Variants in BMP7 observed in about 807,000 individuals in gnomAD.
BMP7 encodes osteogenic protein 1.
BMP7 carries 12 observed loss-of-function variants against 41.2 expected under a neutral mutation model. The observed-to-expected ratio is 0.29, with a 90% CI of 0.19 to 0.47. The LOEUF is 0.47. Ranked by LOEUF, BMP7 falls within the 20% of genes least tolerant of loss-of-function variation. The pLI is 0.99. For synonymous variants in BMP7, 248 were observed against 250.0 expected, an observed-to-expected ratio of 0.99 and a Z score of 0.07; for missense variants, 467 against 606.0, an observed-to-expected ratio of 0.77 and a Z score of 2.41.
chr20:57,256,342 A>C (rs953984301), intron 1 of BMP7, among the ~76,000 whole-genome samples: 1 of 152,204 alleles, frequency 6.6e-6, no homozygotes, highest in African/African-American at 2.4e-5. Flanking sequence ...CTTACTTCCC[A>C]CATTTCTGTC....
intron 2 of BMP7, among the ~76,000 whole-genome samples, chr20:57,204,557 C>T (rs965247480): frequency 3.3e-5 from 5 of 152,360 alleles, no homozygotes; most frequent in African/African-American, 4.8e-5. Context: ...GAGGGCACAG[C>T]GCAATTTTCT....
At chr20:57,172,920 A>G (rs548545237) in intron 6 of BMP7, 2 of 602,052 alleles carry the variant, frequency 3.3e-6, no homozygotes, top group East Asian at 2.7e-5. Context: ...CACCCACAAT[A>G]CTACAAGCAT....
Position 57,231,990 on chromosome 20 carries a change from G to A in BMP7, c.419-3569C>T, listed in dbSNP as rs189942781. 1.4e-3 allele frequency among the ~76,000 whole-genome samples: 214 copies of A among 152,366 alleles called. 3 individuals are homozygous for A. In the East Asian group the frequency reaches 0.036, roughly 26 times the overall value. ...GCCATCATCTGATGGAACCCCATGA[G>A]ACAGGACTGATCCCCATTTTACAGA... On this transcript the variant is annotated intron_variant, in intron 1 of 6. Transcript: ENST00000395863.
intron 2 of BMP7, among the ~76,000 whole-genome samples, chr20:57,206,371 A>G (rs916475301): frequency 2.0e-5 from 3 of 152,166 alleles, no homozygotes; most frequent in Non-Finnish European, 4.4e-5. Context: ...TGTTTTACAG[A>G]TGAGAAAAGT....
intron 2 of BMP7, among the ~76,000 whole-genome samples, chr20:57,212,577 C>T (rs562573273): frequency 7.9e-5 from 12 of 152,318 alleles, no homozygotes; most frequent in African/African-American, 2.4e-4. Context: ...GTTGCTGGGC[C>T]GCAAGGATAT....
rs2066152384 is a variant in BMP7 at position 57,261,102 on chromosome 20, GTC to G, written c.418+4601_418+4602del. 6.6e-6 allele frequency among the ~76,000 whole-genome samples: 1 copy of G among 152,190 alleles called. No homozygotes were observed. The highest frequency in any genetic ancestry group is 2.4e-5 in the African/African-American group (1 of 41,432). On this transcript the variant is annotated intron_variant, in intron 1 of 6. Coordinates refer to ENST00000395863, the MANE Select transcript of BMP7 (RefSeq NM_001719.3). This position sits in a 1 kb window ranked among gnomAD's most constrained non-coding sequence, Gnocchi z 4.1. ...TCTCCCTGGAATGAAGTCACCAGTTGTCTCTGAGTTCAGCGGACACGTGATAT... is the reference window on the plus strand; with the variant it reads ...TCTCCCTGGAATGAAGTCACCAGTTGTCTGAGTTCAGCGGACACGTGATAT...
In BMP7 at chr20:57,228,707, C is replaced by T. The variant is rs2066017728; in HGVS notation, c.419-286G>A. The stretch of plus-strand genomic sequence containing the variant: ...CCACAGCCATCCAAGAGGTCCTGGC[C>T]AGACTCAGGTCCCAGGGGCTCAGGC... On this transcript the variant is annotated intron_variant, in intron 1 of 6. Coordinates refer to ENST00000395863, the MANE Select transcript of BMP7 (RefSeq NM_001719.3). This position sits in a 1 kb window ranked among gnomAD's most constrained non-coding sequence, Gnocchi z 4.5. Among the ~76,000 whole-genome samples, 1 of 152,194 alleles carries T rather than the reference C, an allele frequency of 6.6e-6. No homozygotes were observed. The highest frequency in any genetic ancestry group is 1.5e-5 in the Non-Finnish European group (1 of 68,038).
chr20:57,216,091 G>A (rs991839625), intron 2 of BMP7, among the ~76,000 whole-genome samples: 1 of 152,166 alleles, frequency 6.6e-6, no homozygotes, highest in South Asian at 2.1e-4. Context: ...GAAGGCCAGA[G>A]CGGGCTGTTC....
chr20:57,255,122 G>C (rs2066129168), intron 1 of BMP7, among the ~76,000 whole-genome samples: 1 of 151,550 alleles, frequency 6.6e-6, no homozygotes, highest in African/African-American at 2.4e-5. Flanking sequence ...CTCGGCTTCT[G>C]TTTTAATGGT....
At chr20:57,251,112 A>G (rs8116259) in intron 1 of BMP7, among the ~76,000 whole-genome samples, 55,162 of 152,084 alleles carry the variant, frequency 0.36, 10,030 homozygotes, top group Admixed American at 0.43. Context: ...CTGATTGGCT[A>G]TGGTGTAGCA....
chr20:57,221,523 G>T (rs1012814564), intron 2 of BMP7, among the ~76,000 whole-genome samples: 1 of 152,156 alleles, frequency 6.6e-6, no homozygotes, highest in Non-Finnish European at 1.5e-5. Context: ...CTGTGAAAGA[G>T]GGTGTGGGAG....
intron 4 of BMP7, among the ~76,000 whole-genome samples, chr20:57,183,343 C>T (rs1984128741): frequency 6.6e-6 from 1 of 152,120 alleles, no homozygotes; most frequent in Non-Finnish European, 1.5e-5. Flanking sequence ...ATACAGCAAA[C>T]TCTTCTACCT....
At chr20:57,209,249 T>TTATTTATATA (rs1555814046) in intron 2 of BMP7, among the ~76,000 whole-genome samples, 28 of 94,866 alleles carry the variant, frequency 3.0e-4, no homozygotes, top group African/African-American at 9.3e-4. Context: ...TTATATATTT[T>TTATTTATATA]TATATATATA....
rs1160286486 is a variant in BMP7, at chr20:57,213,567, A to C, written c.612-10944T>G. Among the ~76,000 whole-genome samples the C allele has an allele frequency of 6.6e-6, 1 of 152,220 alleles. No individual in the cohort carries two copies. The highest frequency in any genetic ancestry group is 1.5e-5 in the Non-Finnish European group (1 of 68,044). The stretch of plus-strand genomic sequence containing the variant: ...TAACGAGCCGTTCAAACTTGTGTCA[A>C]GGTGTGGATCACAGAGGCTGGGGGT... On this transcript the variant is annotated intron_variant, in intron 2 of 6. Transcript: ENST00000395863. The surrounding 1 kb of genome is among the most constrained non-coding windows in gnomAD (Gnocchi z 4.4).
chr20:57,209,589 CA>C (rs1984833969), intron 2 of BMP7, among the ~76,000 whole-genome samples: 1 of 152,096 alleles, frequency 6.6e-6, no homozygotes, highest in African/African-American at 2.4e-5. Context: ...GTTGGCTGCA[CA>C]ACTCTGAATG....
At chr20:57,239,774 C>T (rs1270953755) in intron 1 of BMP7, among the ~76,000 whole-genome samples, 1 of 152,242 alleles carries the variant, frequency 6.6e-6, no homozygotes, top group Non-Finnish European at 1.5e-5. Context: ...CACATGGAAG[C>T]TGCCAAGGCT....
At chr20:57,205,020 A>T (rs923048259) in intron 2 of BMP7, among the ~76,000 whole-genome samples, 4 of 152,132 alleles carry the variant, frequency 2.6e-5, no homozygotes, top group Non-Finnish European at 5.9e-5. Context: ...CGGCCATGTG[A>T]GGACACGGCA....
At chr20:57,232,203 C>T (rs1568724103) in intron 1 of BMP7, among the ~76,000 whole-genome samples, 1 of 152,174 alleles carries the variant, frequency 6.6e-6, no homozygotes, top group Non-Finnish European at 1.5e-5. Context: ...TGTGTGTTCC[C>T]CTCCCCCTGG....
intron 1 of BMP7, among the ~76,000 whole-genome samples, chr20:57,236,379 G>T (rs912396614): frequency 6.6e-6 from 1 of 152,200 alleles, no homozygotes; most frequent in African/African-American, 2.4e-5. Flanking sequence ...GCAGACAGGT[G>T]AAACTTGAGA....
Sources: allele counts gnomAD v4.1 joint callset (sites outside exome capture counted in the v4.1 genomes callset), GRCh38; gene constraint gnomAD v4.1.1; non-coding constraint Gnocchi (gnomAD v3.1); transcripts MANE v1.5; gene names NCBI Gene and HGNC (gene_info 2026-07-23, HGNC 2026-07-21).